The following APC2 variants were observed in gnomAD, a reference collection of about 807,000 sequenced individuals.
APC2 encodes the protein APC regulator of Wnt signaling pathway 2, also known as adenomatous polyposis coli protein 2.
Under a neutral mutation model 72.5 loss-of-function variants are expected in APC2, and 41 were observed. The ratio of observed to expected loss-of-function variants is 0.57; its 90% confidence interval spans 0.44 to 0.73. The LOEUF (loss-of-function observed/expected upper bound fraction) is 0.73, where lower values mean the gene tolerates loss of function less well. APC2 is among the 30% of genes least tolerant of loss of function. The probability of loss-of-function intolerance (pLI) is 0.00; values close to 1 mark genes in which losing one functional copy is unlikely to be tolerated. For synonymous variants in APC2, 1,898 were observed against 1,612.0 expected (o/e 1.18, Z -4.25); for missense variants, 3,729 against 3,403.4 (o/e 1.10, Z -2.38).
In APC2 at chr19:1,468,936, A is replaced by G; in HGVS notation, c.5635A>G (p.Thr1879Ala). ...AKTPSSSSSQTSPASQPLPRK... is the reference protein window; with the variant it reads ...AKTPSSSSSQASPASQPLPRK... ...GACCCCCTCCTCCAGCTCCTCCCAGACCTCGCCCGCCTCCCAGCCCCTGCC... is the reference window on the plus strand; with the variant it reads ...GACCCCCTCCTCCAGCTCCTCCCAGGCCTCGCCCGCCTCCCAGCCCCTGCC... The change falls in exon 15 of 15, where the codon ACC (threonine) becomes GCC (alanine). Residue 1879 changes from threonine (T) to alanine (A), a missense_variant. Physicochemically the swap from Thr to Ala is moderately conservative, Grantham distance 58. Coordinates refer to ENST00000590469, the MANE Select transcript of APC2 (RefSeq NM_005883.3). 6.5e-7 allele frequency: 1 copy of G among 1,536,010 alleles called. No homozygotes were observed. The highest frequency in any genetic ancestry group is 8.7e-7 in the Non-Finnish European group (1 of 1,147,918).
Position 1,456,338 on chromosome 19 carries a change from C to G in APC2, c.750C>G (p.Asp250Glu). The change falls in exon 8 of 15, where the codon GAC becomes GAG. Residue 250 changes from aspartate to glutamate, a missense_variant. Physicochemically the swap from Asp to Glu is conservative, Grantham distance 45. Transcript: ENST00000590469. ...ALLAVKSVPV[D>E]EDPETEVPTH... Reference sequence around the variant, plus strand: ...TGGCGGTGAAGTCGGTGCCGGTGGACGAGGACCCCGAGACAGAGGTCCCCA... The same window carrying G: ...TGGCGGTGAAGTCGGTGCCGGTGGAGGAGGACCCCGAGACAGAGGTCCCCA... 1.2e-6 allele frequency: 2 copies of G among 1,609,034 alleles called. No homozygotes were observed. Among genetic ancestry groups the G allele is most frequent in the Admixed American group, 1.7e-5 (1 of 59,778 alleles).
In APC2 at chr19:1,457,404, G is replaced by C. The variant is rs574697918; in HGVS notation, c.1207+161G>C. The stretch of plus-strand genomic sequence containing the variant: ...GAGGCCTGTGGGGGCATTTGACGTT[G>C]GGAAAAGACCCGCCCATGATCGTAC... On this transcript the variant is annotated intron_variant, in intron 9 of 14. Transcript: ENST00000590469. 1.0e-5 allele frequency: 11 copies of C among 1,071,008 alleles called. No individual in the cohort carries two copies. In the East Asian group the frequency reaches 3.0e-4, roughly 29 times the overall value. The allele number at this position is 1,071,008 out of a possible 1,614,324, so 66.3% of individuals were successfully genotyped here. A position where few individuals can be genotyped will look rare whatever the true frequency, so the allele number is the denominator to read the frequency against.
chr19:1,457,588 T>G, intron 9 of APC2: 1 of 504,866 alleles, frequency 2.0e-6, no homozygotes, highest in Non-Finnish European at 3.5e-6. Context: ...ATCCCAGCAC[T>G]TTGGAAGGCA....
At chr19:1,457,499 G>C in intron 9 of APC2, 2 of 564,934 alleles carry the variant, frequency 3.5e-6, no homozygotes, top group Non-Finnish European at 6.1e-6. Context: ...TGGAAAGTTG[G>C]GTGCAGACTT....
intron 9 of APC2, chr19:1,457,602 G>GCT: frequency 2.0e-6 from 1 of 502,986 alleles, no homozygotes; most frequent in Non-Finnish European, 3.6e-6. Flanking sequence ...GAAGGCAGAA[G>GCT]CAGGAGAATT....
At chr19:1,456,788 G>C in intron 8 of APC2, 65 bp from the exon 9 acceptor site, 1 of 1,533,314 alleles carries the variant, frequency 6.5e-7, no homozygotes, top group Non-Finnish European at 8.7e-7. Context: ...ACAGGGCTCC[G>C]ACCGGGTTTC....
At position 1,456,844 on chromosome 19, in the gene APC2, T is replaced by TC. The variant is rs762921759; in HGVS notation, c.817-3dup. 7 of 1,590,942 alleles carry TC rather than the reference T, an allele frequency of 4.4e-6. No individual in the cohort carries two copies. The South Asian group carries it at 5.6e-5, about 13-fold the overall frequency. Reference sequence around the variant, plus strand: ...GAGGGACCCCACCCTGACCCTGCCCTCCCCCCAGGTGGAGGTGGTCTTCTG... The same window carrying TC: ...GAGGGACCCCACCCTGACCCTGCCCTCCCCCCCAGGTGGAGGTGGTCTTCTG... On this transcript the variant is annotated splice_polypyrimidine_tract_variant and intron_variant, in intron 8 of 14. Coordinates refer to ENST00000590469, the MANE Select transcript of APC2 (RefSeq NM_005883.3).
chr19:1,470,300 C>G lies in APC2; in HGVS notation c.*87C>G, dbSNP rs1038593028. Reference sequence around the variant, plus strand: ...ATGGGCCTGCGCTGTAGACGTCCCCCATAGGTCGCCCCAGGGCCTCTGCCC... The same window carrying G: ...ATGGGCCTGCGCTGTAGACGTCCCCGATAGGTCGCCCCAGGGCCTCTGCCC... On this transcript the variant is annotated 3_prime_UTR_variant, in exon 15 of 15. Transcript: ENST00000590469. 1 of 1,425,678 alleles carries G rather than the reference C, an allele frequency of 7.0e-7. No individual in the cohort carries two copies. Among genetic ancestry groups the G allele is most frequent in the South Asian group, 1.4e-5 (1 of 69,128 alleles). 88.3% of individuals were successfully genotyped at this position (1,425,678 alleles called of 1,614,324 possible). A position where few individuals can be genotyped will look rare whatever the true frequency, so the allele number is the denominator to read the frequency against.
At chr19:1,448,729 A>G (rs933934823), upstream of APC2, among the ~76,000 whole-genome samples, 2 of 151,132 alleles carry the variant, frequency 1.3e-5, no homozygotes, top group Admixed American at 1.3e-4. Flanking sequence ...CTGTAGTCCC[A>G]GCTACTCGGG....
In APC2 at chr19:1,466,295, C is replaced by T; in HGVS notation, c.2994C>T (p.Thr998=). The T allele has an allele frequency of 6.5e-7, 1 of 1,536,658 alleles. No homozygotes were observed. Among genetic ancestry groups the T allele is most frequent in the Non-Finnish European group, 8.7e-7 (1 of 1,146,948 alleles). Residue 998 remains threonine, a synonymous_variant, in exon 15 of 15, where the codon ACC becomes ACT. Coordinates refer to ENST00000590469, the MANE Select transcript of APC2 (RefSeq NM_005883.3). The stretch of plus-strand genomic sequence containing the variant: ...TGCGCACCATCAAGCTGTCGCCTAC[C>T]TATCAGCACGTGCCACTGCTTGAGG... ...ARVRTIKLSP[T]YQHVPLLEGA...
At chr19:1,460,147 C>T in intron 10 of APC2, 34 bp from the exon 11 acceptor site, 2 of 1,612,128 alleles carry the variant, frequency 1.2e-6, no homozygotes, top group Non-Finnish European at 1.7e-6. Context: ...CAGGGTCATC[C>T]CTGCCACCCA....
rs1259146094 is a variant in APC2 at position 1,466,824 on chromosome 19, T to C, written c.3523T>C (p.Ser1175Pro). 1.3e-6 allele frequency: 2 copies of C among 1,554,996 alleles called. No homozygotes were observed. Among genetic ancestry groups the C allele is most frequent in the East Asian group, 4.8e-5 (2 of 41,564 alleles). The change falls in exon 15 of 15, where the codon TCC becomes CCC. Residue 1175 changes from serine to proline, a missense_variant. Coordinates refer to ENST00000590469, the MANE Select transcript of APC2 (RefSeq NM_005883.3). ...CTCGCTGGGCAGCTTCGAGAGCCCG[T>C]CCATCGCCAGCTCCATCCCCAGTGA... is the stretch of plus-strand genomic sequence containing the variant. ...VSSLGSFESPSIASSIPSEPC... is the reference protein window; with the variant it reads ...VSSLGSFESPPIASSIPSEPC...
rs556706839 is a variant in APC2 at position 1,469,009 on chromosome 19, C to T, written c.5708C>T (p.Pro1903Leu). Residue 1903 changes from proline to leucine, a missense_variant, in exon 15 of 15, where the codon CCC (proline) becomes CTC (leucine). Coordinates refer to ENST00000590469, the MANE Select transcript of APC2 (RefSeq NM_005883.3). ...CAGGCTGCTGGGGCCCTGCCCGGCC[C>T]CGGAGCCTCCCCGGTGCCCAAAACG... ...VTQAAGALPGPGASPVPKTPA... is the reference protein window; with the variant it reads ...VTQAAGALPGLGASPVPKTPA... The T allele has an allele frequency of 1.7e-5, 26 of 1,553,082 alleles. No homozygotes were observed. In the South Asian group the frequency reaches 2.9e-4, roughly 17 times the overall value.
chr19:1,452,886 C>T lies in APC2; in HGVS notation c.-18-98C>T. On this transcript the variant is annotated intron_variant, in intron 1 of 14. Coordinates refer to ENST00000590469, the MANE Select transcript of APC2 (RefSeq NM_005883.3). This position sits in a 1 kb window ranked among gnomAD's most constrained non-coding sequence, Gnocchi z 5.1. ...AGACCCCCCCCAACCCAGGATCAGG[C>T]AGGACGGCTGGGGCTTAGGTCAGGG... 1 of 1,407,188 alleles carries T rather than the reference C, an allele frequency of 7.1e-7. No individual in the cohort carries two copies. Among genetic ancestry groups the T allele is most frequent in the Non-Finnish European group, 9.5e-7 (1 of 1,048,640 alleles). The allele number at this position is 1,407,188 out of a possible 1,614,324, so 87.2% of individuals were successfully genotyped here.
At position 1,452,699 on chromosome 19, in the gene APC2, G is replaced by A. The variant is rs766431935; in HGVS notation, c.-18-285G>A. On this transcript the variant is annotated intron_variant, in intron 1 of 14. Coordinates refer to ENST00000590469, the MANE Select transcript of APC2 (RefSeq NM_005883.3). This position sits in a 1 kb window ranked among gnomAD's most constrained non-coding sequence, Gnocchi z 5.1. Reference sequence around the variant, plus strand: ...AGGAGAGGCCGACCCATCGTCTGTCGGTCGACTGGTCAGTTGGACGTTCAG... The same window carrying A: ...AGGAGAGGCCGACCCATCGTCTGTCAGTCGACTGGTCAGTTGGACGTTCAG... The A allele has an allele frequency of 6.0e-5, 24 of 396,892 alleles. No individual in the cohort carries two copies. The highest frequency in any genetic ancestry group is 7.4e-5 in the Non-Finnish European group (16 of 214,778). 24.6% of individuals were successfully genotyped at this position (396,892 alleles called of 1,614,324 possible). A position where few individuals can be genotyped will look rare whatever the true frequency, so the allele number is the denominator to read the frequency against.
In APC2 at chr19:1,467,072, C is replaced by T. The variant is rs754023520; in HGVS notation, c.3771C>T (p.Asp1257=). ...GCTGCCGGCTGCCATCTGAGCTGGA[C>T]GCAGGCAGCGTGCGCTTTACCGTGG... The part of the protein sequence containing the change: ...RERCRLPSEL[D]AGSVRFTVEK... Residue 1257 remains aspartate, a synonymous_variant, in exon 15 of 15, where the codon GAC becomes GAT. Transcript: ENST00000590469. 6.8e-6 allele frequency: 11 copies of T among 1,611,398 alleles called. No individual in the cohort carries two copies. Among genetic ancestry groups the T allele is most frequent in the Middle Eastern group, 1.7e-4 (1 of 6,060 alleles).
rs768604320 is a variant in APC2 at position 1,465,966 on chromosome 19, G to T, written c.2665G>T (p.Ala889Ser). Reference protein sequence around the residue: ...PGQEAPREGRAQSCSPCRGPE... With the variant: ...PGQEAPREGRSQSCSPCRGPE... ...ACAGGAGGCGCCACGGGAGGGCCGC[G>T]CCCAGTCCTGCTCGCCATGCCGCGG... The change falls in exon 15 of 15, where the codon GCC becomes TCC. Residue 889 changes from alanine to serine, a missense_variant. Coordinates refer to ENST00000590469, the MANE Select transcript of APC2 (RefSeq NM_005883.3). The T allele has an allele frequency of 6.4e-6, 10 of 1,563,506 alleles. No individual in the cohort carries two copies. The South Asian group carries it at 8.1e-5, about 13-fold the overall frequency.
chr19:1,470,562 C>CGGGTCT lies in APC2; in HGVS notation c.*361_*366dup, dbSNP rs142061482. On this transcript the variant is annotated 3_prime_UTR_variant, in exon 15 of 15. Coordinates refer to ENST00000590469, the MANE Select transcript of APC2 (RefSeq NM_005883.3). ...CGAGGGAGGCGGTAGCCTCCGGGTC[C>CGGGTCT]GGGTCTGGGTCTGGGTCCGCTGCTT... 2.2e-5 allele frequency: 5 copies of CGGGTCT among 228,608 alleles called. No individual in the cohort carries two copies. Among genetic ancestry groups the CGGGTCT allele is most frequent in the Non-Finnish European group, 1.7e-5 (2 of 116,826 alleles). The allele number at this position is 228,608 out of a possible 1,614,324, so 14.2% of individuals were successfully genotyped here.
chr19:1,468,275 T>A lies in APC2; in HGVS notation c.4974T>A (p.Asp1658Glu). 6.5e-7 allele frequency: 1 copy of A among 1,532,212 alleles called. No homozygotes were observed. Among genetic ancestry groups the A allele is most frequent in the Non-Finnish European group, 8.8e-7 (1 of 1,141,314 alleles). The allele number at this position is 1,532,212 out of a possible 1,614,324, so 94.9% of individuals were successfully genotyped here. A position where few individuals can be genotyped will look rare whatever the true frequency, so the allele number is the denominator to read the frequency against. ...RRRKPRATRL[D>E]ERPAEGSRER... Reference sequence around the variant, plus strand: ...GCAAGCCCCGAGCCACCCGGCTGGATGAGCGGCCCGCAGAGGGGTCCCGGG... The same window carrying A: ...GCAAGCCCCGAGCCACCCGGCTGGAAGAGCGGCCCGCAGAGGGGTCCCGGG... The change falls in exon 15 of 15, where the codon GAT becomes GAA. Residue 1658 changes from aspartate to glutamate, a missense_variant. Physicochemically the swap from Asp to Glu is conservative, Grantham distance 45. Coordinates refer to ENST00000590469, the MANE Select transcript of APC2 (RefSeq NM_005883.3).
Sources: gnomAD v4.1 joint callset for allele counts (sites outside exome capture counted in the v4.1 genomes callset) on GRCh38, gnomAD v4.1.1 for gene constraint, Gnocchi (gnomAD v3.1) non-coding constraint, MANE v1.5 for transcripts, NCBI Gene and HGNC (gene_info 2026-07-23, HGNC 2026-07-21) for gene names.